ACACA: variants seen among roughly 807,000 people sequenced by gnomAD.
The protein encoded by ACACA is acetyl-CoA carboxylase 1.
ACACA carries 103 observed loss-of-function variants against 296.1 expected under a neutral mutation model. The ratio of observed to expected loss-of-function variants is 0.35; its 90% confidence interval spans 0.30 to 0.41. The LOEUF (loss-of-function observed/expected upper bound fraction) is 0.41. ACACA is among the 10% of genes least tolerant of loss of function. The probability of loss-of-function intolerance (pLI) is 1.00; values close to 1 mark genes in which losing one functional copy is unlikely to be tolerated. For missense variants in ACACA, 1,554 were observed against 2,989.7 expected (o/e 0.52, Z 11.20); for synonymous variants, 953 against 1,038.6 (o/e 0.92, Z 1.58).
intron 1 of ACACA, among the ~76,000 whole-genome samples, chr17:37,370,606 G>A (rs1240830555): frequency 6.6e-6 from 1 of 151,468 alleles, no homozygotes; most frequent in African/African-American, 2.4e-5. Context: ...GCAGTGAGCC[G>A]AGATTGTGCC....
In ACACA at chr17:37,122,424, C is replaced by A. The variant is rs2074570440; in HGVS notation, c.6138+107G>T. On this transcript the variant is annotated intron_variant, in intron 49 of 55. Transcript: ENST00000616317. ...CTAAAATCATTCAAGGCTGCTGATG[C>A]CCTTCCCTCTAAAACTGATGGTTTG... 36 of 914,416 alleles carry A rather than the reference C, an allele frequency of 3.9e-5. No homozygotes were observed. The South Asian group carries it at 4.7e-4, about 12-fold the overall frequency. 56.6% of individuals were successfully genotyped at this position (914,416 alleles called of 1,614,324 possible).
chr17:37,164,010 T>C (rs1373537655), intron 41 of ACACA, among the ~76,000 whole-genome samples: 1 of 152,208 alleles, frequency 6.6e-6, no homozygotes, highest in African/African-American at 2.4e-5. Flanking sequence ...TGCCTGCCTG[T>C]TTCCCCTATA....
At chr17:37,378,917 C>G (rs751255116) in intron 1 of ACACA, among the ~76,000 whole-genome samples, 1 of 151,894 alleles carries the variant, frequency 6.6e-6, no homozygotes, top group African/African-American at 2.4e-5. Context: ...AAAAATTAGC[C>G]GAGCAAAGTG....
chr17:37,103,720 CAA>C (rs1261782741), intron 52 of ACACA, among the ~76,000 whole-genome samples: 10 of 115,904 alleles, frequency 8.6e-5, no homozygotes, highest in Non-Finnish European at 1.5e-4. Context: ...TACAAACACA[CAA>C]ACACACACAC....
intron 3 of ACACA, among the ~76,000 whole-genome samples, chr17:37,287,937 T>C (rs1395670080): frequency 1.3e-5 from 2 of 152,162 alleles, no homozygotes; most frequent in Non-Finnish European, 2.9e-5. Context: ...TCTTCATCCT[T>C]TTCTATCCAG....
intron 54 of ACACA, among the ~76,000 whole-genome samples, chr17:37,094,207 C>T (rs1474852688): frequency 6.6e-6 from 1 of 152,136 alleles, no homozygotes; most frequent in East Asian, 1.9e-4. Context: ...ACCATAAATC[C>T]TACTATTTCC....
intron 11 of ACACA, among the ~76,000 whole-genome samples, chr17:37,260,274 A>T (rs1567898931): frequency 3.6e-5 from 1 of 27,844 alleles, no homozygotes; most frequent in Admixed American, 5.1e-4. Flanking sequence ...ATATATATAT[A>T]TATATATATA....
At chr17:37,226,228 T>C (rs1167795548) in intron 26 of ACACA, 111 bp downstream of exon 26, 2 of 876,652 alleles carry the variant, frequency 2.3e-6, no homozygotes, top group Non-Finnish European at 3.9e-6. Context: ...GACACATATA[T>C]AGAAAATAAC....
intron 29 of ACACA, among the ~76,000 whole-genome samples, chr17:37,212,604 T>C (rs994245901): frequency 6.6e-6 from 1 of 152,050 alleles, no homozygotes; most frequent in African/African-American, 2.4e-5. Flanking sequence ...AACAGATAAA[T>C]ATTTGGTCAT....
intron 9 of ACACA, 46 bp downstream of exon 9, chr17:37,274,147 T>C: frequency 1.3e-6 from 2 of 1,511,080 alleles, no homozygotes; most frequent in Non-Finnish European, 9.2e-7. Flanking sequence ...TTTGTGACTA[T>C]AACTGGTCAG....
intron 52 of ACACA, among the ~76,000 whole-genome samples, chr17:37,104,205 T>G (rs901184143): frequency 2.6e-5 from 4 of 152,194 alleles, no homozygotes; most frequent in Admixed American, 6.5e-5. Context: ...CAGGCCACGG[T>G]TGGACAAGTT....
chr17:37,176,751 G>A (rs2077131312), intron 41 of ACACA, among the ~76,000 whole-genome samples: 1 of 152,144 alleles, frequency 6.6e-6, no homozygotes, highest in Admixed American at 6.5e-5. Context: ...TCTCTCAGTG[G>A]ACATGCTCCA....
At chr17:37,266,436 T>C (rs1403216291) in intron 10 of ACACA, among the ~76,000 whole-genome samples, 4 of 143,350 alleles carry the variant, frequency 2.8e-5, no homozygotes, top group Non-Finnish European at 6.2e-5. Context: ...AAAAAAAAGA[T>C]AGTTAGAAGC....
At chr17:37,159,530 A>G (rs2076383129) in intron 42 of ACACA, among the ~76,000 whole-genome samples, 1 of 152,226 alleles carries the variant, frequency 6.6e-6, no homozygotes, top group African/African-American at 2.4e-5. Flanking sequence ...TTTGAAATGT[A>G]TAACTCAGTA....
intron 3 of ACACA, among the ~76,000 whole-genome samples, chr17:37,292,786 T>C (rs2083132921): frequency 6.6e-6 from 1 of 152,082 alleles, no homozygotes; most frequent in Non-Finnish European, 1.5e-5. Flanking sequence ...ATCGCTTGAA[T>C]CTGGGAGGCA....
At chr17:37,329,773 C>T (rs912070403) in intron 3 of ACACA, among the ~76,000 whole-genome samples, 2 of 151,958 alleles carry the variant, frequency 1.3e-5, no homozygotes, top group Admixed American at 6.6e-5. Flanking sequence ...AACTCCATCT[C>T]TACTAAAAAC....
At chr17:37,164,890 A>G (rs779901776) in intron 41 of ACACA, among the ~76,000 whole-genome samples, 23 of 152,192 alleles carry the variant, frequency 1.5e-4, no homozygotes, top group Non-Finnish European at 2.8e-4. Context: ...TTTGTGTGCT[A>G]ATGTAAACAT....
chr17:37,104,652 T>C (rs1169507802), intron 52 of ACACA, among the ~76,000 whole-genome samples: 2 of 151,772 alleles, frequency 1.3e-5, no homozygotes, highest in African/African-American at 2.4e-5. Context: ...GTATCAAAGG[T>C]GAAGAGAGGC....
intron 9 of ACACA, 106 bp from the exon 10 acceptor site, chr17:37,270,967 A>T (rs1450823347): frequency 2.6e-6 from 2 of 775,430 alleles, no homozygotes; most frequent in African/African-American, 3.5e-5. Context: ...AGTAATTCTA[A>T]ATACAATAAA....
Sources: allele counts gnomAD v4.1 joint callset (sites outside exome capture counted in the v4.1 genomes callset), GRCh38; gene constraint gnomAD v4.1.1; transcripts MANE v1.5; gene names NCBI Gene and HGNC (gene_info 2026-07-23, HGNC 2026-07-21).